Variants in PRKAG2 observed in about 807,000 individuals in gnomAD.
PRKAG2 encodes protein kinase AMP-activated non-catalytic subunit gamma 2.
Under a neutral mutation model 69.6 loss-of-function variants are expected in PRKAG2, and 26 were observed. The ratio of observed to expected loss-of-function variants is 0.37; its 90% CI spans 0.27 to 0.52. The LOEUF (loss-of-function observed/expected upper bound fraction) is 0.52, where lower values mean the gene tolerates loss of function less well. Ranked by LOEUF, PRKAG2 falls within the 20% of genes least tolerant of loss-of-function variation. PRKAG2 has a pLI of 0.90. For synonymous variants in PRKAG2, 293 were observed against 285.0 expected (o/e 1.03, Z -0.28); for missense variants, 557 against 740.0 (o/e 0.75, Z 2.87).
At chr7:151,782,121 A>C (rs1482635463) in intron 2 of PRKAG2, among the ~76,000 whole-genome samples, 1 of 151,886 alleles carries the variant, frequency 6.6e-6, no homozygotes, top group Admixed American at 6.6e-5. Flanking sequence ...AAAATAAAAA[A>C]ATAAAAAAAA....
In PRKAG2 at chr7:151,781,870, C is replaced by T. The variant is rs530480792; in HGVS notation, c.187-439G>A. 2.0e-5 allele frequency among the ~76,000 whole-genome samples: 3 copies of T among 152,286 alleles called. No individual in the cohort carries two copies. In the East Asian group the frequency reaches 5.8e-4, roughly 29 times the overall value. The stretch of plus-strand genomic sequence containing the variant: ...TCCCTATGTTCCAGAACAGAGCGGG[C>T]CTGGAGCTCCATCCTGAGACCTCAG... On this transcript the variant is annotated intron_variant, in intron 2 of 15. Transcript: ENST00000287878. This position sits in a 1 kb window ranked among gnomAD's most constrained non-coding sequence, Gnocchi z 6.1.
At chr7:151,595,539 C>A in intron 5 of PRKAG2, 85 bp from the exon 6 acceptor site, 1 of 923,626 alleles carries the variant, frequency 1.1e-6, no homozygotes, top group South Asian at 1.3e-5. Context: ...CTATCACTAA[C>A]AGACTTAATG....
intron 3 of PRKAG2, among the ~76,000 whole-genome samples, chr7:151,753,450 G>A (rs536180357): frequency 3.3e-5 from 5 of 152,216 alleles, no homozygotes; most frequent in African/African-American, 4.8e-5. Context: ...GTGAGAGATC[G>A]TGAGAAATGA....
chr7:151,844,428 C>T (rs1012852955), intron 1 of PRKAG2, among the ~76,000 whole-genome samples: 8 of 152,126 alleles, frequency 5.3e-5, no homozygotes, highest in Admixed American at 3.9e-4. Flanking sequence ...GCTGGTTTGG[C>T]GAGGCAGAGG....
intron 3 of PRKAG2, among the ~76,000 whole-genome samples, chr7:151,767,200 A>G (rs1345824645): frequency 2.6e-5 from 4 of 152,238 alleles, no homozygotes; most frequent in East Asian, 1.9e-4. Flanking sequence ...GAACAGACGC[A>G]TGGAACAGAC....
chr7:151,872,418 G>A (rs2080239356), intron 1 of PRKAG2, among the ~76,000 whole-genome samples: 1 of 151,580 alleles, frequency 6.6e-6, no homozygotes. Flanking sequence ...TGGCTTCTTA[G>A]TTCAGGTCCC....
intron 3 of PRKAG2, among the ~76,000 whole-genome samples, chr7:151,722,699 A>T (rs1368047052): frequency 6.6e-6 from 1 of 152,100 alleles, no homozygotes; most frequent in African/African-American, 2.4e-5. Flanking sequence ...GGAAGCCGAG[A>T]GTGTGCACCG....
At chr7:151,767,110 T>C (rs1293368797) in intron 3 of PRKAG2, among the ~76,000 whole-genome samples, 2 of 152,148 alleles carry the variant, frequency 1.3e-5, no homozygotes, top group African/African-American at 2.4e-5. Flanking sequence ...GAAAAACCTC[T>C]GTGAAGATGA....
At chr7:151,589,208 C>T (rs1382786610) in intron 6 of PRKAG2, among the ~76,000 whole-genome samples, 1 of 152,234 alleles carries the variant, frequency 6.6e-6, no homozygotes, top group Non-Finnish European at 1.5e-5. Context: ...ACCGAGGCAC[C>T]TCCTGTAGCA....
chr7:151,646,510 T>C (rs972752438), intron 4 of PRKAG2, among the ~76,000 whole-genome samples: 5 of 152,352 alleles, frequency 3.3e-5, no homozygotes, highest in Non-Finnish European at 7.3e-5. Flanking sequence ...CAGTGGATTT[T>C]CATACATTAA....
intron 3 of PRKAG2, among the ~76,000 whole-genome samples, chr7:151,731,107 T>G (rs1798858804): frequency 6.6e-6 from 1 of 152,266 alleles, no homozygotes; most frequent in African/African-American, 2.4e-5. Flanking sequence ...CTACAGTCAT[T>G]GCTCTTTGAT....
chr7:151,766,460 T>A (rs894945942), intron 3 of PRKAG2, among the ~76,000 whole-genome samples: 29 of 152,168 alleles, frequency 1.9e-4, no homozygotes, highest in African/African-American at 7.0e-4. Flanking sequence ...AACAGACATG[T>A]TCATCTCACT....
intron 1 of PRKAG2, among the ~76,000 whole-genome samples, chr7:151,845,786 G>A (rs1474006265): frequency 6.6e-6 from 1 of 152,216 alleles, no homozygotes; most frequent in East Asian, 1.9e-4. Context: ...TAGGAGATCA[G>A]AGCTCTTCCC....
At chr7:151,869,775 G>A (rs2080169826) in intron 1 of PRKAG2, among the ~76,000 whole-genome samples, 3 of 152,238 alleles carry the variant, frequency 2.0e-5, no homozygotes, top group East Asian at 3.9e-4. Flanking sequence ...CACACCCAGC[G>A]TGCTGCAGAG....
intron 5 of PRKAG2, among the ~76,000 whole-genome samples, chr7:151,607,134 A>G (rs1405582821): frequency 1.3e-5 from 2 of 152,272 alleles, no homozygotes; most frequent in African/African-American, 4.8e-5. Context: ...AGTTTATATT[A>G]AAGTGTTTAA....
intron 1 of PRKAG2, among the ~76,000 whole-genome samples, chr7:151,812,237 A>C (rs2078458099): frequency 6.6e-6 from 1 of 152,214 alleles, no homozygotes. Context: ...AGTAATGCAT[A>C]AAACAAAAGT....
At chr7:151,783,912 CA>C (rs536105914) in intron 2 of PRKAG2, among the ~76,000 whole-genome samples, 2,247 of 28,926 alleles carry the variant, frequency 0.078, 12 homozygotes, top group Non-Finnish European at 0.09. Flanking sequence ...GACCCTGTCT[CA>C]AAAAAAAAAA....
rs181486246 is a variant in PRKAG2, at chr7:151,852,236, C to G, written c.114+24271G>C. Among the ~76,000 whole-genome samples the G allele has an allele frequency of 2.6e-5, 4 of 152,316 alleles. No individual in the cohort carries two copies. In the East Asian group the frequency reaches 7.7e-4, roughly 29 times the overall value. On this transcript the variant is annotated intron_variant, in intron 1 of 15. Transcript: ENST00000287878. ...TAAGCCCTGGCGGGGCACAGAAACT[C>G]GTGCCTGTAATCCCAGCACTTTGGG... is the stretch of plus-strand genomic sequence containing the variant.
In PRKAG2 at chr7:151,632,678, C is replaced by A; in HGVS notation, c.685-540G>T. 3.6e-6 allele frequency: 3 copies of A among 843,628 alleles called. No homozygotes were observed. The highest frequency in any genetic ancestry group is 4.3e-6 in the Non-Finnish European group (3 of 700,412). The allele number at this position is 843,628 out of a possible 1,614,324, so 52.3% of individuals were successfully genotyped here. ...GGAGGCTGCAGAACGCCCCGGGGCGCCAGCTAGGGGATCCTTTCTCGCTTT... is the reference window on the plus strand; with the variant it reads ...GGAGGCTGCAGAACGCCCCGGGGCGACAGCTAGGGGATCCTTTCTCGCTTT... On this transcript the variant is annotated intron_variant, in intron 4 of 15. Coordinates refer to ENST00000287878, the MANE Select transcript of PRKAG2 (RefSeq NM_016203.4). The surrounding 1 kb of genome is among the most constrained non-coding windows in gnomAD (Gnocchi z 4.2).
Sources: gnomAD v4.1 joint callset for allele counts (sites outside exome capture counted in the v4.1 genomes callset) on GRCh38, gnomAD v4.1.1 for gene constraint, Gnocchi (gnomAD v3.1) non-coding constraint, MANE v1.5 for transcripts, NCBI Gene and HGNC (gene_info 2026-07-23, HGNC 2026-07-21) for gene names.